TPRA1: variants seen among roughly 807,000 people sequenced by gnomAD.
TPRA1 encodes the protein transmembrane protein adipocyte associated 1.
TPRA1 carries 28 observed loss-of-function variants against 40.1 expected under a neutral mutation model. That is an observed-to-expected ratio of 0.70 (90% confidence interval 0.52 to 0.96). The LOEUF (loss-of-function observed/expected upper bound fraction) is 0.96. TPRA1 is among the 40% of genes least tolerant of loss of function. TPRA1 has a pLI of 0.00. For synonymous variants in TPRA1, 219 were observed against 209.7 expected (o/e 1.04, Z -0.38); for missense variants, 441 against 482.6 (o/e 0.91, Z 0.81).
At chr3:127,598,112 G>T in exon 1 of TPRA1, 1 of 393,168 alleles carries the variant, frequency 2.5e-6, no homozygotes, top group Non-Finnish European at 4.7e-6. Flanking sequence ...GGCCTCTGTT[G>T]TCTTGTCAGC....
intron 9 of TPRA1, 61 bp from the exon 10 acceptor site, chr3:127,575,326 A>G: frequency 6.3e-7 from 1 of 1,587,264 alleles, no homozygotes. Context: ...ACACCTCCCC[A>G]TGCCCCCAGC....
upstream of TPRA1, chr3:127,590,822 A>G (rs4990062): frequency 3.4e-3 from 270 of 79,820 alleles, 1 homozygote; most frequent in African/African-American, 8.0e-3. Flanking sequence ...TCACTGGGGG[A>G]AAAAAAAAAA....
intron 1 of TPRA1, among the ~76,000 whole-genome samples, chr3:127,583,250 T>C (rs1313163332): frequency 1.3e-5 from 2 of 149,014 alleles, no homozygotes; most frequent in East Asian, 3.9e-4. Flanking sequence ...GAGGCAGAGG[T>C]TGCGGTGAGC....
intron 8 of TPRA1, 82 bp downstream of exon 8, chr3:127,575,667 G>C: frequency 1.3e-6 from 2 of 1,560,576 alleles, no homozygotes; most frequent in Non-Finnish European, 1.8e-6. Flanking sequence ...TACAGCTCCA[G>C]CTCCCAGCTA....
chr3:127,589,231 C>T (rs2074093536), intron 1 of TPRA1, among the ~76,000 whole-genome samples: 1 of 152,118 alleles, frequency 6.6e-6, no homozygotes, highest in South Asian at 2.1e-4. Context: ...ATGCAGGACC[C>T]GCTGAGAACG....
At chr3:127,579,669 T>A in intron 3 of TPRA1, 71 bp downstream of exon 3, 2 of 1,535,448 alleles carry the variant, frequency 1.3e-6, no homozygotes, top group Non-Finnish European at 1.8e-6. Context: ...ATTTTCATTA[T>A]AGAAGCAGTT....
exon 1 of TPRA1, chr3:127,598,170 G>A (rs545216288): frequency 2.0e-6 from 1 of 510,316 alleles, no homozygotes; most frequent in Non-Finnish European, 3.5e-6. Context: ...AAGTGTCGTC[G>A]GGTCCCCTGG....
exon 1 of TPRA1, chr3:127,598,138 T>C: frequency 2.2e-6 from 1 of 450,970 alleles, no homozygotes; most frequent in Non-Finnish European, 4.1e-6. Flanking sequence ...GGCCCTGGTG[T>C]GACCGAGGTC....
chr3:127,575,734 C>G lies in TPRA1; in HGVS notation c.670+15G>C. 6.2e-7 allele frequency: 1 copy of G among 1,613,098 alleles called. No individual in the cohort carries two copies. The highest frequency in any genetic ancestry group is 8.5e-7 in the Non-Finnish European group (1 of 1,179,706). ...CCATCCCCGCCTGTCCCAGAGCCGCCGGCCAGCTGCTCACAAGGCAGGGAG... is the reference window on the plus strand; with the variant it reads ...CCATCCCCGCCTGTCCCAGAGCCGCGGGCCAGCTGCTCACAAGGCAGGGAG... On this transcript the variant is annotated intron_variant, in intron 8 of 10. Coordinates refer to ENST00000355552, the MANE Select transcript of TPRA1 (RefSeq NM_001136053.4).
intron 1 of TPRA1, chr3:127,588,032 G>C (rs1487887034): frequency 6.6e-6 from 1 of 152,260 alleles, no homozygotes; most frequent in Non-Finnish European, 1.5e-5. Flanking sequence ...TATGTTATCC[G>C]CATTGTGCAC....
intron 1 of TPRA1, among the ~76,000 whole-genome samples, chr3:127,583,567 A>G (rs915141070): frequency 6.6e-6 from 1 of 152,184 alleles, no homozygotes; most frequent in Non-Finnish European, 1.5e-5. Context: ...AGTGATGGGG[A>G]ATATTAAAGA....
Position 127,579,703 on chromosome 3 carries a change from T to C in TPRA1, c.258+37A>G, listed in dbSNP as rs760203896. The C allele has an allele frequency of 6.2e-6, 10 of 1,609,642 alleles. No homozygotes were observed. In the East Asian group the frequency reaches 6.7e-5, roughly 11 times the overall value. On this transcript the variant is annotated intron_variant, in intron 3 of 10. Coordinates refer to ENST00000355552, the MANE Select transcript of TPRA1 (RefSeq NM_001136053.4). The stretch of plus-strand genomic sequence containing the variant: ...TTAATTCCCTTTTTGTTTAACCCAG[T>C]TGGAGTTGGCTTTTCTGTCAACTGC...
At chr3:127,592,362 A>G (rs1291634823), upstream of TPRA1, among the ~76,000 whole-genome samples, 5 of 140,264 alleles carry the variant, frequency 3.6e-5, no homozygotes, top group Admixed American at 1.5e-4. Context: ...GTGGAGCAAC[A>G]TGCTGTTTTT....
intron 1 of TPRA1, among the ~76,000 whole-genome samples, chr3:127,596,237 G>A (rs558292775): frequency 5.8e-4 from 88 of 152,252 alleles, no homozygotes; most frequent in Non-Finnish European, 1.1e-3. Flanking sequence ...GCGCCACTAC[G>A]CCTGGCTAAT....
intron 1 of TPRA1, among the ~76,000 whole-genome samples, chr3:127,582,201 G>A (rs897933999): frequency 2.6e-5 from 4 of 152,170 alleles, no homozygotes; most frequent in Admixed American, 2.0e-4. Flanking sequence ...TCTGAAGGGG[G>A]CGGGCCATGG....
Position 127,596,352 on chromosome 3 carries a change from T to C in TPRA1, c.-390-662A>G, listed in dbSNP as rs533960572. Among the ~76,000 whole-genome samples, 6 of 152,338 alleles carry C rather than the reference T, an allele frequency of 3.9e-5. No homozygotes were observed. The East Asian group carries it at 9.6e-4, about 24-fold the overall frequency. ...CCTCAGCCTCCCAAAGTGCTGGGAT[T>C]ACAGGTGTGAGCCACCATGCCTGGC... On this transcript the variant is annotated intron_variant, in intron 1 of 3. Coordinates refer to the TPRA1 transcript ENST00000462228.
chr3:127,592,555 T>G (rs2074196829), upstream of TPRA1, among the ~76,000 whole-genome samples: 1 of 149,640 alleles, frequency 6.7e-6, no homozygotes, highest in African/African-American at 2.5e-5. Flanking sequence ...CCGGCTAATT[T>G]TTTGTATTTT....
chr3:127,591,139 G>A (rs1307727513), upstream of TPRA1: 1 of 152,096 alleles, frequency 6.6e-6, no homozygotes, highest in Non-Finnish European at 1.5e-5. Context: ...CCTCGCGTGC[G>A]GGCGCTTCGG....
intron 1 of TPRA1, among the ~76,000 whole-genome samples, chr3:127,581,802 G>A (rs906484082): frequency 4.6e-5 from 7 of 151,136 alleles, no homozygotes; most frequent in Non-Finnish European, 7.4e-5. Context: ...TGTGCCTATA[G>A]TCCCAGCTAC....
Sources: gnomAD v4.1 joint callset for allele counts (sites outside exome capture counted in the v4.1 genomes callset) on GRCh38, gnomAD v4.1.1 for gene constraint, MANE v1.5 for transcripts, NCBI Gene and HGNC (gene_info 2026-07-23, HGNC 2026-07-21) for gene names.